Variants in ULK4 observed in about 807,000 individuals in gnomAD.
ULK4 encodes the protein inactive serine/threonine-protein kinase ULK4.
ULK4 carries 133 observed loss-of-function variants against 160.6 expected under a neutral mutation model. The ratio of observed to expected loss-of-function variants is 0.83; its 90% confidence interval spans 0.72 to 0.96. The LOEUF (loss-of-function observed/expected upper bound fraction) is 0.96. Among genes scored for constraint, ULK4 ranks in the 40% least tolerant of loss-of-function variants. The probability of loss-of-function intolerance (pLI) is 0.00; values close to 1 mark genes in which losing one functional copy is unlikely to be tolerated. For synonymous variants in ULK4, 534 were observed against 539.8 expected (o/e 0.99, Z 0.15); for missense variants, 1,580 against 1,499.5 (o/e 1.05, Z -0.89).
At chr3:41,424,948 G>A (rs2082745190) in intron 34 of ULK4, among the ~76,000 whole-genome samples, 1 of 151,896 alleles carries the variant, frequency 6.6e-6, no homozygotes, top group Non-Finnish European at 1.5e-5. Flanking sequence ...AGGCTGAGAT[G>A]GTGGAATTGA....
intron 33 of ULK4, among the ~76,000 whole-genome samples, chr3:41,461,605 C>G (rs1559619930): frequency 6.6e-6 from 1 of 152,154 alleles, no homozygotes; most frequent in Admixed American, 6.5e-5. Flanking sequence ...CAATAAAAAA[C>G]AGTGATCTAC....
chr3:41,889,151 G>C (rs534731795), intron 16 of ULK4, among the ~76,000 whole-genome samples: 1 of 152,022 alleles, frequency 6.6e-6, no homozygotes, highest in African/African-American at 2.4e-5. Flanking sequence ...TCCTAATTTT[G>C]TTCCCTTTTT....
chr3:41,467,196 T>C (rs2083857057), intron 32 of ULK4, among the ~76,000 whole-genome samples: 1 of 152,176 alleles, frequency 6.6e-6, no homozygotes, highest in South Asian at 2.1e-4. Context: ...TGAACACATA[T>C]GTCCACATAA....
At chr3:41,581,795 C>T (rs1321197345) in intron 31 of ULK4, among the ~76,000 whole-genome samples, 1 of 152,078 alleles carries the variant, frequency 6.6e-6, no homozygotes, top group East Asian at 1.9e-4. Flanking sequence ...CTAGAGTGAG[C>T]TGAGAGGTAT....
At chr3:41,936,010 C>G in intron 3 of ULK4, 70 bp from the exon 4 acceptor site, 1 of 1,565,418 alleles carries the variant, frequency 6.4e-7, no homozygotes, top group Non-Finnish European at 8.6e-7. Context: ...AGAGGTTCCA[C>G]GCTGACAGAT....
At chr3:41,422,075 G>C (rs2082676168) in intron 34 of ULK4, among the ~76,000 whole-genome samples, 1 of 151,824 alleles carries the variant, frequency 6.6e-6, no homozygotes, top group South Asian at 2.1e-4. Context: ...GAATAATAAA[G>C]AGAAAAATGT....
At chr3:41,499,042 G>T (rs2085095103) in intron 32 of ULK4, among the ~76,000 whole-genome samples, 1 of 152,114 alleles carries the variant, frequency 6.6e-6, no homozygotes, top group Non-Finnish European at 1.5e-5. Context: ...CCTCAAAAAT[G>T]CTGTGGTAAG....
intron 35 of ULK4, among the ~76,000 whole-genome samples, chr3:41,354,322 G>T (rs888928206): frequency 2.0e-5 from 3 of 152,154 alleles, no homozygotes; most frequent in Admixed American, 1.3e-4. Context: ...AGACCATGGA[G>T]TCCAATCTGC....
intron 35 of ULK4, among the ~76,000 whole-genome samples, chr3:41,272,354 T>G (rs1220310085): frequency 1.3e-5 from 2 of 149,514 alleles, no homozygotes; most frequent in African/African-American, 2.5e-5. Context: ...TTTTTTTTTT[T>G]TTTTTTTTTT....
intron 32 of ULK4, among the ~76,000 whole-genome samples, chr3:41,559,180 T>G (rs2125590664): frequency 6.7e-6 from 1 of 148,750 alleles, no homozygotes; most frequent in Non-Finnish European, 1.5e-5. Flanking sequence ...TCCAGCTTCA[T>G]CCATGTCCCT....
Position 41,394,672 on chromosome 3 carries a change from G to A in ULK4, c.3678+3407C>T, listed in dbSNP as rs191513958. ...GCACCAGTGCAAAGTTGAGAAATCC[G>A]AATTTGAACCCTGGCAAATTGGAGG... On this transcript the variant is annotated intron_variant, in intron 35 of 36. Coordinates refer to ENST00000301831, the MANE Select transcript of ULK4 (RefSeq NM_017886.4). 1.3e-4 allele frequency among the ~76,000 whole-genome samples: 20 copies of A among 152,156 alleles called. 1 individual carries two copies. The East Asian group carries it at 3.3e-3, about 25-fold the overall frequency.
chr3:41,439,037 C>G (rs1459044532), intron 34 of ULK4, among the ~76,000 whole-genome samples: 1 of 150,520 alleles, frequency 6.6e-6, no homozygotes, highest in African/African-American at 2.4e-5. Context: ...GACTATCAAT[C>G]CAGGTGTGGC....
At chr3:41,743,975 G>A (rs2038330854) in intron 22 of ULK4, among the ~76,000 whole-genome samples, 1 of 151,920 alleles carries the variant, frequency 6.6e-6, no homozygotes, top group Middle Eastern at 3.4e-3. Flanking sequence ...AAGTAAACTA[G>A]GTGTTTACTC....
rs191923022 is a variant in ULK4, at chr3:41,341,406, A to C, written c.3678+56673T>G. Among the ~76,000 whole-genome samples the C allele has an allele frequency of 4.2e-3, 635 of 152,290 alleles. 7 individuals are homozygous for C. Among genetic ancestry groups the C allele is most frequent in the African/African-American group, 0.015 (614 of 41,572 alleles). On this transcript the variant is annotated intron_variant, in intron 35 of 36. Transcript: ENST00000301831. ...TCCTACCTCCTTGATTTTACACTCAACCATGAGACTTGATTTAGCTAATGG... is the reference window on the plus strand; with the variant it reads ...TCCTACCTCCTTGATTTTACACTCACCCATGAGACTTGATTTAGCTAATGG...
intron 30 of ULK4, among the ~76,000 whole-genome samples, chr3:41,617,742 G>T (rs981857772): frequency 6.6e-6 from 1 of 152,154 alleles, no homozygotes; most frequent in Non-Finnish European, 1.5e-5. Flanking sequence ...CTCCTCTCCA[G>T]CAAGGGCACA....
At chr3:41,603,901 C>T (rs1417687607) in intron 31 of ULK4, among the ~76,000 whole-genome samples, 2 of 152,062 alleles carry the variant, frequency 1.3e-5, no homozygotes, top group Non-Finnish European at 2.9e-5. Context: ...TCCAGCACTA[C>T]ATTAAAAATA....
At chr3:41,520,490 T>C (rs1575348303) in intron 32 of ULK4, among the ~76,000 whole-genome samples, 2 of 152,360 alleles carry the variant, frequency 1.3e-5, no homozygotes, top group East Asian at 1.9e-4. Flanking sequence ...TTTCCATCTT[T>C]GGCTATTATG....
chr3:41,877,733 G>A (rs549789333), intron 17 of ULK4, among the ~76,000 whole-genome samples: 173 of 152,152 alleles, frequency 1.1e-3, no homozygotes, highest in Non-Finnish European at 2.0e-3. Flanking sequence ...TATAATCCCA[G>A]AACTTTGGGA....
At chr3:41,570,135 T>C (rs2087920721) in intron 31 of ULK4, among the ~76,000 whole-genome samples, 1 of 152,226 alleles carries the variant, frequency 6.6e-6, no homozygotes, top group Non-Finnish European at 1.5e-5. Flanking sequence ...CTGAAACTGC[T>C]TTCTCAGCAG....
Sources: allele counts gnomAD v4.1 joint callset (sites outside exome capture counted in the v4.1 genomes callset), GRCh38; gene constraint gnomAD v4.1.1; transcripts MANE v1.5; gene names NCBI Gene and HGNC (gene_info 2026-07-23, HGNC 2026-07-21).